The following WWC2 variants were observed in gnomAD, a reference collection of about 807,000 sequenced individuals.
The protein encoded by WWC2 is protein WWC2.
WWC2 carries 101 observed loss-of-function variants against 138.5 expected under a neutral mutation model. The observed-to-expected ratio is 0.73, with a 90% confidence interval of 0.62 to 0.86. The LOEUF (loss-of-function observed/expected upper bound fraction) is 0.86. WWC2 is among the 40% of genes least tolerant of loss of function. The probability of loss-of-function intolerance (pLI) is 0.00; values close to 1 mark genes in which losing one functional copy is unlikely to be tolerated. For synonymous variants in WWC2, 558 were observed against 538.4 expected (o/e 1.04, Z -0.50); for missense variants, 1,420 against 1,419.4 (o/e 1.00, Z -0.01).
intron 4 of WWC2, among the ~76,000 whole-genome samples, chr4:183,222,338 A>G (rs1163309623): frequency 3.3e-5 from 5 of 151,972 alleles, no homozygotes; most frequent in Non-Finnish European, 5.9e-5. Context: ...TAGAATCTAT[A>G]TGTATTTTAT....
chr4:183,295,181 A>T (rs143661798), intron 21 of WWC2, among the ~76,000 whole-genome samples: 21 of 152,320 alleles, frequency 1.4e-4, no homozygotes, highest in Non-Finnish European at 2.2e-4. Flanking sequence ...TCGAACTCCT[A>T]TGCTCCTTCA....
intron 5 of WWC2, among the ~76,000 whole-genome samples, chr4:183,244,951 G>A (rs1022903725): frequency 1.3e-5 from 2 of 152,086 alleles, no homozygotes; most frequent in African/African-American, 4.8e-5. Context: ...TTGAAGTGAG[G>A]GATGGGAGAA....
intron 7 of WWC2, among the ~76,000 whole-genome samples, chr4:183,249,164 A>G (rs1736894891): frequency 6.6e-6 from 1 of 152,150 alleles, no homozygotes; most frequent in Non-Finnish European, 1.5e-5. Context: ...TTACGTTTAG[A>G]GTCTTGGAAA....
chr4:183,140,614 T>C (rs1733273116), intron 1 of WWC2, among the ~76,000 whole-genome samples: 1 of 152,162 alleles, frequency 6.6e-6, no homozygotes, highest in South Asian at 2.1e-4. Context: ...AAAGAATATA[T>C]TGGGTTTAGC....
chr4:183,199,425 A>C (rs1189803162), intron 2 of WWC2, among the ~76,000 whole-genome samples: 1 of 152,200 alleles, frequency 6.6e-6, no homozygotes, highest in African/African-American at 2.4e-5. Flanking sequence ...TTCTCCGCTC[A>C]AGGCATTAAT....
At chr4:183,257,206 C>G (rs890916741) in intron 9 of WWC2, among the ~76,000 whole-genome samples, 2 of 151,940 alleles carry the variant, frequency 1.3e-5, no homozygotes, top group South Asian at 2.1e-4. Context: ...GCCAAGACGT[C>G]TTAATTGTTT....
At chr4:183,175,553 G>A (rs1437964511) in intron 1 of WWC2, among the ~76,000 whole-genome samples, 3 of 152,136 alleles carry the variant, frequency 2.0e-5, no homozygotes, top group East Asian at 1.9e-4. Flanking sequence ...GTGAGCCACC[G>A]TGCCTGGCCT....
intron 21 of WWC2, among the ~76,000 whole-genome samples, chr4:183,290,835 C>T (rs898030403): frequency 1.3e-5 from 2 of 152,162 alleles, no homozygotes; most frequent in Non-Finnish European, 2.9e-5. Context: ...CTCTTTTTGA[C>T]CCAGAGTTGT....
At chr4:183,158,895 T>C (rs1051529406) in intron 1 of WWC2, among the ~76,000 whole-genome samples, 19 of 152,150 alleles carry the variant, frequency 1.2e-4, no homozygotes, top group Admixed American at 1.0e-3. Context: ...GTTTATCTTA[T>C]GTCAGATGGA....
chr4:183,210,384 C>T (rs1317508752), intron 4 of WWC2, among the ~76,000 whole-genome samples: 1 of 151,836 alleles, frequency 6.6e-6, no homozygotes, highest in Non-Finnish European at 1.5e-5. Context: ...AACATGAGGA[C>T]TATAGGGAAT....
rs566029350 is a variant in WWC2, at chr4:183,217,535, C to T, written c.522+8510C>T. Among the ~76,000 whole-genome samples, 17 of 151,422 alleles carry T rather than the reference C, an allele frequency of 1.1e-4. No individual in the cohort carries two copies. In the East Asian group the frequency reaches 3.3e-3, roughly 29 times the overall value. Reference sequence around the variant, plus strand: ...GACAAACATGTTAAAACATGTTATACATATGCTCAAGAATGTAAAGGAAAA... The same window carrying T: ...GACAAACATGTTAAAACATGTTATATATATGCTCAAGAATGTAAAGGAAAA... On this transcript the variant is annotated intron_variant, in intron 4 of 22. Coordinates refer to ENST00000403733, the MANE Select transcript of WWC2 (RefSeq NM_024949.6).
chr4:183,141,620 G>C (rs1268453668), intron 1 of WWC2, among the ~76,000 whole-genome samples: 3 of 152,056 alleles, frequency 2.0e-5, no homozygotes, highest in Non-Finnish European at 4.4e-5. Context: ...ATTCACCTTT[G>C]TATCACCAAA....
intron 2 of WWC2, among the ~76,000 whole-genome samples, chr4:183,205,924 C>T (rs1329230107): frequency 6.6e-6 from 1 of 152,156 alleles, no homozygotes; most frequent in Admixed American, 6.5e-5. Flanking sequence ...TCTCAGCATT[C>T]ACTCACAGAC....
intron 4 of WWC2, among the ~76,000 whole-genome samples, chr4:183,218,956 AG>A (rs557530941): frequency 9.3e-4 from 142 of 152,362 alleles, no homozygotes; most frequent in Non-Finnish European, 1.8e-3. Context: ...TGTCCATCAC[AG>A]GTAAATGTCA....
intron 1 of WWC2, among the ~76,000 whole-genome samples, chr4:183,174,064 G>A (rs2111169094): frequency 6.6e-6 from 1 of 152,242 alleles, no homozygotes; most frequent in Admixed American, 6.5e-5. Context: ...ACAAATGTAA[G>A]CCCAACTCCT....
intron 1 of WWC2, among the ~76,000 whole-genome samples, chr4:183,164,283 TATATATATA>T (rs150738713): frequency 0.93 from 124,053 of 133,892 alleles, 57,257 homozygotes; most frequent in South Asian, 0.98. Flanking sequence ...TATATATATA[TATATATATA>T]TATATATACA....
rs373560134 is a variant in WWC2 at position 183,253,078 on chromosome 4, G to A, written c.954-679G>A. Among the ~76,000 whole-genome samples, 40 of 152,170 alleles carry A rather than the reference G, an allele frequency of 2.6e-4. No homozygotes were observed. In the East Asian group the frequency reaches 5.6e-3, roughly 21 times the overall value. On this transcript the variant is annotated intron_variant, in intron 8 of 22. Coordinates refer to ENST00000403733, the MANE Select transcript of WWC2 (RefSeq NM_024949.6). ...ATATTTTTGGTAGAGACAGGGTCTC[G>A]CTATGTTGCCCAGGCTGGTCTCGAA... is the stretch of plus-strand genomic sequence containing the variant.
At chr4:183,108,069 T>A (rs1473786263) in intron 1 of WWC2, among the ~76,000 whole-genome samples, 1 of 152,180 alleles carries the variant, frequency 6.6e-6, no homozygotes, top group African/African-American at 2.4e-5. Context: ...GAGGCATTTG[T>A]GTGAGTCACG....
At chr4:183,166,233 G>A (rs537899697) in intron 1 of WWC2, among the ~76,000 whole-genome samples, 2 of 151,956 alleles carry the variant, frequency 1.3e-5, no homozygotes, top group African/African-American at 4.8e-5. Context: ...TTGATTTCAG[G>A]GAAATTGATA....
Sources: allele counts gnomAD v4.1 joint callset (sites outside exome capture counted in the v4.1 genomes callset), GRCh38; gene constraint gnomAD v4.1.1; transcripts MANE v1.5; gene names NCBI Gene and HGNC (gene_info 2026-07-23, HGNC 2026-07-21).